ACTR3C: variants seen among roughly 807,000 people sequenced by gnomAD.
The protein encoded by ACTR3C is actin-related protein 3C.
ACTR3C carries 18 observed loss-of-function variants against 26.3 expected under a neutral mutation model. The observed-to-expected ratio is 0.68, with a 90% CI of 0.47 to 1.01. The LOEUF is 1.01. ACTR3C is among the 50% of genes least tolerant of loss of function. The pLI is 0.00. For missense variants in ACTR3C, 184 were observed against 250.7 expected (o/e 0.73, Z 1.80); for synonymous variants, 55 against 94.5 (o/e 0.58, Z 2.42).
At chr7:150,252,415 TCTAAAGA>T (rs1450619457) in intron 6 of ACTR3C, among the ~76,000 whole-genome samples, 1 of 152,162 alleles carries the variant, frequency 6.6e-6, no homozygotes, top group African/African-American at 2.4e-5. Context: ...CTGTCCATAC[TCTAAAGA>T]CTAAAGTGGT....
the ACTR3C span, among the ~76,000 whole-genome samples, chr7:149,945,318 A>ACAGGATGCAGGGTCTTGGGG: frequency 8.4e-6 from 1 of 118,872 alleles, no homozygotes; most frequent in Non-Finnish European, 1.9e-5. Context: ...TCCATCAGTG[A>ACAGGATGCAGGGTCTTGGGG]CAACCTCCCA....
At position 150,299,493 on chromosome 7, in the gene ACTR3C, AAC is replaced by A. The variant is rs1271186885; in HGVS notation, c.-51-4148_-51-4147del. On this transcript the variant is annotated intron_variant, in intron 1 of 7. Coordinates refer to ENST00000683684, the MANE Select transcript of ACTR3C (RefSeq NM_001164458.2). ...AAAAAAAAAAAAAAAAAAAAAAAAA[AAC>A]AAAAAACAGGCTGGGTGGTGTGGCT... Among the ~76,000 whole-genome samples, 164 of 141,708 alleles carry A rather than the reference AAC, an allele frequency of 1.2e-3. 6 individuals are homozygous for A. Among genetic ancestry groups the A allele is most frequent in the African/African-American group, 2.4e-3 (83 of 34,446 alleles). The allele number at this position is 141,708 out of a possible 152,430, so 93.0% of individuals were successfully genotyped here.
chr7:150,238,617 A>G, the ACTR3C span, among the ~76,000 whole-genome samples: 1 of 145,126 alleles, frequency 6.9e-6, no homozygotes, highest in African/African-American at 2.7e-5. Flanking sequence ...TAATTTTATC[A>G]GCCAGTATGT....
the ACTR3C span, among the ~76,000 whole-genome samples, chr7:150,010,842 T>C: frequency 1.4e-5 from 2 of 143,592 alleles, no homozygotes; most frequent in South Asian, 4.7e-4. Context: ...GAGAAAGGGG[T>C]TGTGTCTGAG....
At chr7:150,002,611 C>G in the ACTR3C span, 3 of 152,244 alleles carry the variant, frequency 2.0e-5, no homozygotes, top group African/African-American at 7.2e-5. Context: ...CGAGGATGAT[C>G]TTGCATCTAT....
chr7:150,275,962 C>T (rs1326297337), intron 6 of ACTR3C, among the ~76,000 whole-genome samples: 1 of 152,194 alleles, frequency 6.6e-6, no homozygotes, highest in African/African-American at 2.4e-5. Context: ...TTCACTATAT[C>T]GACTGAATTT....
the ACTR3C span, among the ~76,000 whole-genome samples, chr7:150,028,322 G>C: frequency 2.6e-5 from 4 of 152,382 alleles, no homozygotes; most frequent in South Asian, 8.3e-4. Flanking sequence ...TTGTGGCTGG[G>C]TTTTTATCTG....
chr7:150,064,519 C>A, the ACTR3C span, among the ~76,000 whole-genome samples: 1 of 150,248 alleles, frequency 6.7e-6, no homozygotes, highest in African/African-American at 2.5e-5. Context: ...ACACTGAGAT[C>A]ACACCCACTG....
the ACTR3C span, among the ~76,000 whole-genome samples, chr7:150,034,751 G>T: frequency 2.0e-5 from 3 of 150,986 alleles, no homozygotes; most frequent in Non-Finnish European, 4.4e-5. Context: ...AGGATCCTAG[G>T]ATCAACGAAG....
At chr7:150,060,281 G>C in the ACTR3C span, among the ~76,000 whole-genome samples, 1 of 150,802 alleles carries the variant, frequency 6.6e-6, no homozygotes. Flanking sequence ...CTCATGAAGC[G>C]TGCTGCCTTA....
chr7:150,122,427 G>A, the ACTR3C span, among the ~76,000 whole-genome samples: 1 of 152,122 alleles, frequency 6.6e-6, no homozygotes, highest in Non-Finnish European at 1.5e-5. Flanking sequence ...AGTGGGCAAA[G>A]GATATGAACA....
the ACTR3C span, among the ~76,000 whole-genome samples, chr7:150,083,819 T>C: frequency 6.6e-6 from 1 of 152,190 alleles, no homozygotes; most frequent in Admixed American, 6.5e-5. Flanking sequence ...AGTTCACTAA[T>C]GGCTCAAAAT....
At chr7:150,322,286 G>A (rs978849662) in intron 1 of ACTR3C, among the ~76,000 whole-genome samples, 1 of 152,170 alleles carries the variant, frequency 6.6e-6, no homozygotes, top group Admixed American at 6.5e-5. Context: ...TTCATAGGAG[G>A]TTAGGCATTC....
the ACTR3C span, among the ~76,000 whole-genome samples, chr7:149,987,021 T>C: frequency 7.1e-6 from 1 of 141,248 alleles, no homozygotes; most frequent in East Asian, 2.0e-4. Context: ...CACTGAGTAC[T>C]GGAGGGTCCC....
At chr7:150,011,952 C>T in the ACTR3C span, among the ~76,000 whole-genome samples, 4 of 152,066 alleles carry the variant, frequency 2.6e-5, no homozygotes, top group African/African-American at 9.7e-5. Flanking sequence ...AGACAGTGAA[C>T]GGTAAAGGCC....
chr7:149,976,046 G>A, the ACTR3C span, among the ~76,000 whole-genome samples: 1 of 152,166 alleles, frequency 6.6e-6, no homozygotes, highest in African/African-American at 2.4e-5. Flanking sequence ...CAACTGTTCT[G>A]GGTGCATTTT....
the ACTR3C span, among the ~76,000 whole-genome samples, chr7:149,957,578 G>A: frequency 2.6e-5 from 4 of 152,350 alleles, no homozygotes; most frequent in East Asian, 7.7e-4. Flanking sequence ...TGCACCAGTG[G>A]CACCCCAGGT....
At chr7:149,938,967 TATAC>T in the ACTR3C span, among the ~76,000 whole-genome samples, 1 of 146,836 alleles carries the variant, frequency 6.8e-6, no homozygotes, top group East Asian at 1.9e-4. Context: ...AAATATATTA[TATAC>T]ATATATATGT....
rs373572131 is a variant in ACTR3C, at chr7:150,308,953, G to C, written c.-51-13606C>G. Among the ~76,000 whole-genome samples, 4 of 152,206 alleles carry C rather than the reference G, an allele frequency of 2.6e-5. No homozygotes were observed. In the East Asian group the frequency reaches 7.7e-4, roughly 29 times the overall value. On this transcript the variant is annotated intron_variant, in intron 1 of 7. Coordinates refer to ENST00000683684, the MANE Select transcript of ACTR3C (RefSeq NM_001164458.2). Reference sequence around the variant, plus strand: ...TACAAGAATTCCAATATTTGACTCAGTCCTACAATTTAACCTGGAGTGATT... The same window carrying C: ...TACAAGAATTCCAATATTTGACTCACTCCTACAATTTAACCTGGAGTGATT...
Sources: allele counts gnomAD v4.1 joint callset (sites outside exome capture counted in the v4.1 genomes callset), GRCh38; gene constraint gnomAD v4.1.1; transcripts MANE v1.5; gene names NCBI Gene and HGNC (gene_info 2026-07-23, HGNC 2026-07-21).